Variants in CBFA2T2 observed in about 807,000 individuals in gnomAD.
CBFA2T2 encodes CBFA2/RUNX1 partner transcriptional co-repressor 2.
A neutral mutation model predicts 62.2 loss-of-function variants in CBFA2T2; 11 were observed. The ratio of observed to expected loss-of-function variants is 0.18; its 90% CI spans 0.11 to 0.29. CBFA2T2 has a LOEUF of 0.29. CBFA2T2 is among the 10% of genes least tolerant of loss of function. The pLI is 1.00. For synonymous variants in CBFA2T2, 295 were observed against 287.5 expected (o/e 1.03, Z -0.27); for missense variants, 592 against 774.1 (o/e 0.76, Z 2.79).
intron 1 of CBFA2T2, among the ~76,000 whole-genome samples, chr20:33,494,989 A>G (rs1360387618): frequency 2.0e-5 from 3 of 152,220 alleles, no homozygotes; most frequent in Non-Finnish European, 2.9e-5. Context: ...GTCTTTCTAC[A>G]CCCAGTGGTG....
intron 2 of CBFA2T2, 122 bp downstream of exon 2, chr20:33,607,221 A>ATCTGTGTCTATATTTT: frequency 1.2e-6 from 1 of 801,584 alleles, no homozygotes; most frequent in Non-Finnish European, 1.8e-6. Context: ...GAAAATATAG[A>ATCTGTGTCTATATTTT]CACAGATATA....
intron 1 of CBFA2T2, among the ~76,000 whole-genome samples, chr20:33,548,846 C>G (rs2012652114): frequency 6.6e-6 from 1 of 152,238 alleles, no homozygotes; most frequent in South Asian, 2.1e-4. Context: ...GTTGCCGCTA[C>G]TCAGGAGGCT....
chr20:33,553,511 C>T (rs1470714077), intron 1 of CBFA2T2, among the ~76,000 whole-genome samples: 15 of 152,184 alleles, frequency 9.9e-5, no homozygotes, highest in African/African-American at 9.7e-5. Context: ...GGATTACAGG[C>T]GTGAGCCACC....
intron 1 of CBFA2T2, among the ~76,000 whole-genome samples, chr20:33,503,348 G>A (rs565822841): frequency 5.0e-5 from 7 of 141,102 alleles, no homozygotes; most frequent in East Asian, 4.5e-4. Context: ...TCTGCCTCCC[G>A]GGTTCAAGCG....
chr20:33,490,356 C>G (rs899491647), intron 1 of CBFA2T2, 55 bp downstream of exon 1: 1 of 1,254,630 alleles, frequency 8.0e-7, no homozygotes, highest in African/African-American at 1.5e-5. Flanking sequence ...GCCTGCGGCT[C>G]CGCAGGCGCG....
intron 1 of CBFA2T2, among the ~76,000 whole-genome samples, chr20:33,531,183 TC>T (rs1470699325): frequency 2.0e-5 from 3 of 152,134 alleles, no homozygotes; most frequent in Non-Finnish European, 4.4e-5. Context: ...CAGTACAGTG[TC>T]AGTGTCAGTG....
chr20:33,493,394 T>A (rs961957082), intron 1 of CBFA2T2, among the ~76,000 whole-genome samples: 1 of 152,182 alleles, frequency 6.6e-6, no homozygotes, highest in Non-Finnish European at 1.5e-5. Flanking sequence ...AGTTTTTAAC[T>A]GGCATGCTGG....
At chr20:33,567,522 T>A (rs1245199221) in intron 1 of CBFA2T2, among the ~76,000 whole-genome samples, 1 of 152,170 alleles carries the variant, frequency 6.6e-6, no homozygotes, top group Non-Finnish European at 1.5e-5. Flanking sequence ...TTGTTATAAT[T>A]GTTATAATGT....
chr20:33,628,239 C>A, intron 6 of CBFA2T2, 111 bp from the exon 7 acceptor site: 1 of 742,210 alleles, frequency 1.3e-6, no homozygotes, highest in South Asian at 1.6e-5. Flanking sequence ...TGAATCATTG[C>A]CTTAGTAGTG....
intron 1 of CBFA2T2, among the ~76,000 whole-genome samples, chr20:33,578,668 A>G (rs2013950239): frequency 1.3e-5 from 2 of 152,140 alleles, no homozygotes; most frequent in South Asian, 4.1e-4. Flanking sequence ...TTGGGAGCTT[A>G]AGAAGGGTAT....
intron 1 of CBFA2T2, among the ~76,000 whole-genome samples, chr20:33,585,524 T>C (rs1206714209): frequency 1.3e-5 from 2 of 152,224 alleles, no homozygotes; most frequent in African/African-American, 4.8e-5. Context: ...GACATGCTGT[T>C]CCACCGTTTA....
intron 1 of CBFA2T2, among the ~76,000 whole-genome samples, chr20:33,514,172 A>T (rs183905884): frequency 6.3e-5 from 9 of 143,434 alleles, no homozygotes; most frequent in Admixed American, 4.2e-4. Flanking sequence ...CAAAGTGCTA[A>T]GATTACAGGC....
At chr20:33,594,252 C>T (rs1323071704) in intron 1 of CBFA2T2, among the ~76,000 whole-genome samples, 1 of 152,058 alleles carries the variant, frequency 6.6e-6, no homozygotes, top group African/African-American at 2.4e-5. Context: ...GACGGAGTCT[C>T]ACTCTGTTGC....
intron 2 of CBFA2T2, among the ~76,000 whole-genome samples, chr20:33,609,029 C>T (rs561537371): frequency 1.3e-5 from 2 of 152,216 alleles, no homozygotes; most frequent in East Asian, 3.9e-4. Flanking sequence ...TTTCTCAGCC[C>T]GTTAGTCTGT....
intron 1 of CBFA2T2, among the ~76,000 whole-genome samples, chr20:33,503,025 A>G (rs1435834505): frequency 8.2e-6 from 1 of 121,438 alleles, no homozygotes; most frequent in African/African-American, 3.1e-5. Context: ...CGGGAGGCGG[A>G]GCTTGCAGTG....
intron 1 of CBFA2T2, among the ~76,000 whole-genome samples, chr20:33,582,856 C>A (rs967497280): frequency 6.6e-6 from 1 of 152,032 alleles, no homozygotes; most frequent in Admixed American, 6.5e-5. Context: ...GCAGGAGAAT[C>A]ACTTGAACCC....
At chr20:33,539,577 A>G (rs1440785727) in intron 1 of CBFA2T2, among the ~76,000 whole-genome samples, 1 of 152,186 alleles carries the variant, frequency 6.6e-6, no homozygotes, top group Non-Finnish European at 1.5e-5. Context: ...CCTACCATAA[A>G]TGTATTATAG....
chr20:33,503,500 G>A (rs1024298319), intron 1 of CBFA2T2, among the ~76,000 whole-genome samples: 9 of 152,014 alleles, frequency 5.9e-5, no homozygotes, highest in South Asian at 2.1e-4. Flanking sequence ...TGATCCGCCC[G>A]CCTCGGCCTC....
chr20:33,529,746 TATATATATATATATATATATATA>T (rs2011994589), intron 1 of CBFA2T2, among the ~76,000 whole-genome samples: 1 of 129,356 alleles, frequency 7.7e-6, no homozygotes. Context: ...AAAGCAGTTA[TATATATATATATATATATATATA>T]TATATATATA....
Sources: allele counts gnomAD v4.1 joint callset (sites outside exome capture counted in the v4.1 genomes callset), GRCh38; gene constraint gnomAD v4.1.1; transcripts MANE v1.5; gene names NCBI Gene and HGNC (gene_info 2026-07-23, HGNC 2026-07-21).